Variants in CTNNA2 observed in about 807,000 individuals in gnomAD.
The protein encoded by CTNNA2 is catenin alpha-2.
CTNNA2 carries 42 observed loss-of-function variants against 101.0 expected under a neutral mutation model. That is an observed-to-expected ratio of 0.42 (90% CI 0.32 to 0.54). CTNNA2 has a LOEUF of 0.54. CTNNA2 is among the 20% of genes least tolerant of loss of function. The probability of loss-of-function intolerance (pLI) is 0.14; values close to 1 mark genes in which losing one functional copy is unlikely to be tolerated. For synonymous variants in CTNNA2, 450 were observed against 456.4 expected (o/e 0.99, Z 0.18); for missense variants, 871 against 1,223.1 (o/e 0.71, Z 4.29).
intron 2 of CTNNA2, among the ~76,000 whole-genome samples, chr2:79,683,674 C>CT (rs796843616): frequency 2.6e-4 from 39 of 152,340 alleles, no homozygotes; most frequent in African/African-American, 9.1e-4. Context: ...GGTTAGTTCC[C>CT]TTTGTTCACC....
chr2:80,455,498 G>A (rs1381995340), intron 9 of CTNNA2, among the ~76,000 whole-genome samples: 4 of 152,138 alleles, frequency 2.6e-5, no homozygotes, highest in African/African-American at 9.7e-5. Flanking sequence ...CTGACATTAG[G>A]GTCTCCACGG....
At chr2:79,660,413 A>G (rs192630589) in intron 2 of CTNNA2, among the ~76,000 whole-genome samples, 3 of 151,608 alleles carry the variant, frequency 2.0e-5, no homozygotes, top group Admixed American at 6.6e-5. Flanking sequence ...GAATTTGAAT[A>G]TAAGTAACTA....
At position 80,033,001 on chromosome 2, in the gene CTNNA2, A is replaced by C. The variant is rs990684761; in HGVS notation, c.1056+123204A>C. The stretch of plus-strand genomic sequence containing the variant: ...CCCCATCTCTACCAAAAATACAAAA[A>C]TTAACTGGGCATGGTGGTGGGCGCC... On this transcript the variant is annotated intron_variant, in intron 7 of 18. Coordinates refer to ENST00000402739, the MANE Select transcript of CTNNA2 (RefSeq NM_001282597.3). 3.3e-5 allele frequency among the ~76,000 whole-genome samples: 5 copies of C among 152,048 alleles called. No homozygotes were observed. The East Asian group carries it at 9.7e-4, about 30-fold the overall frequency.
chr2:80,441,600 T>C (rs1160250173), intron 9 of CTNNA2, among the ~76,000 whole-genome samples: 1 of 152,216 alleles, frequency 6.6e-6, no homozygotes, highest in African/African-American at 2.4e-5. Context: ...CATTGTTTTT[T>C]GATCTCCGTG....
chr2:80,590,378 T>C (rs1228688729), intron 15 of CTNNA2, among the ~76,000 whole-genome samples: 2 of 152,210 alleles, frequency 1.3e-5, no homozygotes. Context: ...TCCAAAGAGA[T>C]AATGCAAGTA....
intron 2 of CTNNA2, among the ~76,000 whole-genome samples, chr2:79,244,238 G>T (rs1346740408): frequency 6.6e-6 from 1 of 152,072 alleles, no homozygotes; most frequent in Non-Finnish European, 1.5e-5. Flanking sequence ...CTATCACCCA[G>T]AACTCCACCT....
intron 2 of CTNNA2, among the ~76,000 whole-genome samples, chr2:79,287,699 T>A (rs1329443908): frequency 6.6e-6 from 1 of 152,088 alleles, no homozygotes; most frequent in Non-Finnish European, 1.5e-5. Context: ...TGCTGTCTTT[T>A]TGTTTGTCTG....
In CTNNA2 at chr2:79,909,668, C is replaced by T. The variant is rs2104322371; in HGVS notation, c.927C>T (p.Ser309=). The change falls in exon 7 of 19, where the codon AGC becomes AGT. Residue 309 remains serine, a synonymous_variant. Coordinates refer to ENST00000402739, the MANE Select transcript of CTNNA2 (RefSeq NM_001282597.3). ...FRPSLEERLE[S]IISGAALMAD... is the part of the protein sequence containing the mutation. ...CGTCCCTGGAGGAGAGGCTGGAGAG[C>T]ATCATCAGCGGCGCAGCGCTGATGG... The T allele has an allele frequency of 6.2e-7, 1 of 1,613,784 alleles. No individual in the cohort carries two copies. Among genetic ancestry groups the T allele is most frequent in the African/African-American group, 1.3e-5 (1 of 75,066 alleles).
chr2:80,249,247 T>A (rs539523522), intron 7 of CTNNA2, among the ~76,000 whole-genome samples: 2 of 152,190 alleles, frequency 1.3e-5, no homozygotes, highest in Admixed American at 6.5e-5. Context: ...TATGATAGAG[T>A]TCTAAAGAAC....
intron 3 of CTNNA2, among the ~76,000 whole-genome samples, chr2:79,341,829 T>A (rs1197381628): frequency 3.9e-5 from 6 of 152,228 alleles, no homozygotes. Flanking sequence ...CTTGGGAAAC[T>A]GATGCAAATG....
intron 4 of CTNNA2, among the ~76,000 whole-genome samples, chr2:79,379,724 C>T (rs1678018463): frequency 6.6e-6 from 1 of 152,022 alleles, no homozygotes; most frequent in African/African-American, 2.4e-5. Context: ...AGTCCTAAAG[C>T]TTTTTGGTAG....
chr2:80,201,805 GT>G (rs1171540035), intron 7 of CTNNA2, among the ~76,000 whole-genome samples: 4 of 152,250 alleles, frequency 2.6e-5, no homozygotes, highest in East Asian at 3.9e-4. Context: ...AACAGGAGAT[GT>G]TTTTGCCTAG....
upstream of CTNNA2, among the ~76,000 whole-genome samples, chr2:79,509,208 T>G (rs1253307180): frequency 2.0e-5 from 3 of 152,022 alleles, no homozygotes; most frequent in East Asian, 5.8e-4. Context: ...CAGCTAGATT[T>G]GTAGGAAAAA....
chr2:80,362,686 T>C (rs776395291), intron 7 of CTNNA2, among the ~76,000 whole-genome samples: 1 of 152,142 alleles, frequency 6.6e-6, no homozygotes, highest in Non-Finnish European at 1.5e-5. Flanking sequence ...GCAACAAAAA[T>C]GTGTCAGCTC....
chr2:80,295,784 C>T (rs191645268), intron 7 of CTNNA2, among the ~76,000 whole-genome samples: 3 of 152,278 alleles, frequency 2.0e-5, no homozygotes, highest in South Asian at 2.1e-4. Flanking sequence ...TCTTCCAGAG[C>T]GCTTACTTGA....
At chr2:80,569,921 C>T (rs1040941197) in intron 12 of CTNNA2, among the ~76,000 whole-genome samples, 5 of 152,036 alleles carry the variant, frequency 3.3e-5, no homozygotes, top group Non-Finnish European at 4.4e-5. Context: ...GGATTACAGG[C>T]ATGAGCCAAG....
intron 3 of CTNNA2, among the ~76,000 whole-genome samples, chr2:79,804,676 A>C (rs927149904): frequency 6.6e-6 from 1 of 152,126 alleles, no homozygotes; most frequent in African/African-American, 2.4e-5. Context: ...TAAGTAATAA[A>C]ATGAGAAAAT....
chr2:80,502,173 A>G (rs1687928143), intron 9 of CTNNA2, among the ~76,000 whole-genome samples: 1 of 152,164 alleles, frequency 6.6e-6, no homozygotes, highest in African/African-American at 2.4e-5. Context: ...CTCCTCACAC[A>G]CATCTGCTTT....
intron 7 of CTNNA2, among the ~76,000 whole-genome samples, chr2:80,193,512 T>C (rs997730317): frequency 6.6e-6 from 1 of 152,176 alleles, no homozygotes; most frequent in South Asian, 2.1e-4. Context: ...ATGCAGAAAT[T>C]GAGGCTGAAA....
Sources: gnomAD v4.1 joint callset for allele counts (sites outside exome capture counted in the v4.1 genomes callset) on GRCh38, gnomAD v4.1.1 for gene constraint, MANE v1.5 for transcripts, NCBI Gene and HGNC (gene_info 2026-07-23, HGNC 2026-07-21) for gene names.